The following RAD51B variants were observed in gnomAD, a reference collection of about 807,000 sequenced individuals.
The protein encoded by RAD51B is DNA repair protein RAD51 homolog 2.
Under a neutral mutation model 42.2 loss-of-function variants are expected in RAD51B, and 38 were observed. The observed-to-expected ratio is 0.90, with a 90% CI of 0.70 to 1.18. The LOEUF is 1.18. Among genes scored for constraint, RAD51B ranks in the 50% most tolerant of loss-of-function variants. RAD51B has a pLI of 0.00. For missense variants in RAD51B, 373 were observed against 400.7 expected (o/e 0.93, Z 0.59); for synonymous variants, 154 against 145.2 (o/e 1.06, Z -0.43).
chr14:67,885,254 ACT>A (rs1359487259), intron 5 of RAD51B, among the ~76,000 whole-genome samples: 3 of 151,910 alleles, frequency 2.0e-5, no homozygotes, highest in African/African-American at 7.3e-5. Flanking sequence ...TTAACTTGTC[ACT>A]CTCTTGTGTT....
At chr14:68,512,833 G>A (rs1371331359) in intron 10 of RAD51B, among the ~76,000 whole-genome samples, 2 of 152,062 alleles carry the variant, frequency 1.3e-5, no homozygotes, top group Admixed American at 1.3e-4. Flanking sequence ...GCAGTGAGGG[G>A]TGCACTATTT....
intron 9 of RAD51B, among the ~76,000 whole-genome samples, chr14:68,465,100 G>A (rs2085941225): frequency 6.6e-6 from 1 of 152,092 alleles, no homozygotes; most frequent in East Asian, 1.9e-4. Flanking sequence ...TTTCTGCAGT[G>A]CATAAAATAA....
intron 7 of RAD51B, among the ~76,000 whole-genome samples, chr14:67,918,792 T>C (rs1480056953): frequency 3.3e-5 from 5 of 152,222 alleles, no homozygotes; most frequent in East Asian, 1.9e-4. Context: ...GGGAAAATTA[T>C]GACAAACATA....
At chr14:67,870,515 TAGAC>T (rs1310932018) in intron 5 of RAD51B, among the ~76,000 whole-genome samples, 1 of 123,304 alleles carries the variant, frequency 8.1e-6, no homozygotes, top group Non-Finnish European at 1.7e-5. Context: ...CTGTCAACAT[TAGAC>T]AGATCAACGA....
intron 10 of RAD51B, among the ~76,000 whole-genome samples, chr14:68,525,224 A>G (rs72727502): frequency 0.23 from 34,356 of 152,234 alleles, 4,438 homozygotes; most frequent in Middle Eastern, 0.37. Flanking sequence ...GGCCACCTCT[A>G]GAAGCTGGAA....
At chr14:68,653,728 A>G (rs1892750390) in intron 11 of RAD51B, among the ~76,000 whole-genome samples, 1 of 152,250 alleles carries the variant, frequency 6.6e-6, no homozygotes, top group Non-Finnish European at 1.5e-5. Context: ...TTACGGCTCA[A>G]AGAAGCCCTA....
At chr14:68,650,880 C>G (rs1301435194) in intron 11 of RAD51B, 1 of 737,522 alleles carries the variant, frequency 1.4e-6, no homozygotes, top group African/African-American at 1.7e-5. Flanking sequence ...AGCATTCTCC[C>G]TCACAACAGG....
At chr14:68,554,892 A>G (rs574297017) in intron 10 of RAD51B, among the ~76,000 whole-genome samples, 4 of 150,346 alleles carry the variant, frequency 2.7e-5, no homozygotes, top group Admixed American at 1.3e-4. Context: ...TCTGTTGCCC[A>G]GGCTGGAGTG....
At chr14:68,163,886 C>G (rs1249727878) in intron 7 of RAD51B, among the ~76,000 whole-genome samples, 1 of 152,070 alleles carries the variant, frequency 6.6e-6, no homozygotes, top group Non-Finnish European at 1.5e-5. Flanking sequence ...TTAGGAAGGA[C>G]AGTAATATTT....
chr14:68,245,555 TATC>T (rs2080478342), intron 7 of RAD51B, among the ~76,000 whole-genome samples: 1 of 152,254 alleles, frequency 6.6e-6, no homozygotes, highest in Non-Finnish European at 1.5e-5. Flanking sequence ...AGTTACCTTA[TATC>T]TCTTTTCCTG....
chr14:68,377,053 T>C (rs2083385451), intron 8 of RAD51B, among the ~76,000 whole-genome samples: 1 of 152,210 alleles, frequency 6.6e-6, no homozygotes, highest in African/African-American at 2.4e-5. Context: ...TACTATATTA[T>C]TGAGTTTTGC....
At chr14:68,133,573 G>A (rs2077944354) in intron 7 of RAD51B, among the ~76,000 whole-genome samples, 1 of 152,146 alleles carries the variant, frequency 6.6e-6, no homozygotes, top group African/African-American at 2.4e-5. Flanking sequence ...CCGGGTTCAA[G>A]CGATTCTCCT....
At chr14:68,588,263 C>G (rs115973256) in intron 10 of RAD51B, among the ~76,000 whole-genome samples, 4 of 152,160 alleles carry the variant, frequency 2.6e-5, no homozygotes, top group African/African-American at 7.2e-5. Context: ...ATGTGAGGCT[C>G]GACCTGGTAC....
chr14:67,827,423 G>A (rs1338160331), intron 3 of RAD51B, among the ~76,000 whole-genome samples: 7 of 150,870 alleles, frequency 4.6e-5, no homozygotes, highest in African/African-American at 7.3e-5. Context: ...CATTCTTGTA[G>A]CATTCCTTAT....
chr14:68,650,988 C>A, intron 11 of RAD51B: 3 of 579,364 alleles, frequency 5.2e-6, no homozygotes, highest in South Asian at 4.5e-5. Flanking sequence ...CAAATGGCCA[C>A]ACATATCTCA....
At chr14:68,077,888 G>A (rs1399097382) in intron 7 of RAD51B, among the ~76,000 whole-genome samples, 47 of 152,320 alleles carry the variant, frequency 3.1e-4, no homozygotes, top group Non-Finnish European at 7.4e-5. Context: ...CCCGGGAAGT[G>A]GAGGTTGCAG....
At chr14:68,132,172 T>C (rs920110778) in intron 7 of RAD51B, among the ~76,000 whole-genome samples, 8 of 152,210 alleles carry the variant, frequency 5.3e-5, no homozygotes, top group Non-Finnish European at 8.8e-5. Flanking sequence ...TTGGGTCATA[T>C]GTTCACTTTT....
intron 7 of RAD51B, among the ~76,000 whole-genome samples, chr14:67,969,032 G>A (rs981369322): frequency 2.6e-5 from 4 of 152,104 alleles, no homozygotes; most frequent in African/African-American, 9.7e-5. Context: ...AAAAATGAGA[G>A]GATGCAAAAG....
intron 7 of RAD51B, among the ~76,000 whole-genome samples, chr14:68,081,951 CT>C (rs2076918820): frequency 6.6e-6 from 1 of 151,776 alleles, no homozygotes; most frequent in African/African-American, 2.4e-5. Flanking sequence ...AATAATATTT[CT>C]TTTTTCTTTT....
Sources: gnomAD v4.1 joint callset for allele counts (sites outside exome capture counted in the v4.1 genomes callset) on GRCh38, gnomAD v4.1.1 for gene constraint, MANE v1.5 for transcripts, NCBI Gene and HGNC (gene_info 2026-07-23, HGNC 2026-07-21) for gene names.